Variants in JAZF1 observed in about 807,000 individuals in gnomAD.
JAZF1 encodes the protein juxtaposed with another zinc finger protein 1.
Under a neutral mutation model 26.4 loss-of-function variants are expected in JAZF1, and 8 were observed. The observed-to-expected ratio is 0.30, with a 90% confidence interval of 0.18 to 0.55. The LOEUF (loss-of-function observed/expected upper bound fraction) is 0.55. JAZF1 is among the 20% of genes least tolerant of loss of function. JAZF1 has a pLI of 0.94. For synonymous variants in JAZF1, 126 were observed against 122.3 expected (o/e 1.03, Z -0.20); for missense variants, 199 against 322.0 (o/e 0.62, Z 2.92).
At chr7:27,997,339 A>G (rs1317465620) in intron 1 of JAZF1, among the ~76,000 whole-genome samples, 1 of 152,128 alleles carries the variant, frequency 6.6e-6, no homozygotes, top group Non-Finnish European at 1.5e-5. Context: ...CAGGGCTGAG[A>G]AAATAGGGGA....
intron 1 of JAZF1, among the ~76,000 whole-genome samples, chr7:27,993,290 A>C (rs1785941733): frequency 6.6e-6 from 1 of 152,160 alleles, no homozygotes; most frequent in Non-Finnish European, 1.5e-5. Context: ...GTCGGGTCTG[A>C]AGGTTTTGGC....
chr7:27,998,239 C>T (rs1316707951), intron 1 of JAZF1, among the ~76,000 whole-genome samples: 2 of 152,178 alleles, frequency 1.3e-5, no homozygotes, highest in Admixed American at 1.3e-4. Context: ...ATTAAAAATG[C>T]TGCTTATCCT....
chr7:27,937,298 C>T (rs1212130080), intron 2 of JAZF1, among the ~76,000 whole-genome samples: 1 of 152,192 alleles, frequency 6.6e-6, no homozygotes, highest in African/African-American at 2.4e-5. Flanking sequence ...AAACCTCCCC[C>T]TACCACTTAC....
At chr7:28,035,479 A>C (rs1316204427) in intron 1 of JAZF1, among the ~76,000 whole-genome samples, 1 of 152,132 alleles carries the variant, frequency 6.6e-6, no homozygotes, top group Non-Finnish European at 1.5e-5. Context: ...GTATCATCAA[A>C]AATAAATTTT....
intron 3 of JAZF1, among the ~76,000 whole-genome samples, chr7:27,879,006 C>G (rs1387210100): frequency 6.6e-6 from 1 of 152,168 alleles, no homozygotes; most frequent in African/African-American, 2.4e-5. Flanking sequence ...GGAAGATCAA[C>G]AACATGTTAC....
intron 2 of JAZF1, among the ~76,000 whole-genome samples, chr7:27,915,894 A>G (rs1784437733): frequency 6.6e-6 from 1 of 152,362 alleles, no homozygotes; most frequent in Non-Finnish European, 1.5e-5. Context: ...TCCAGTAAAT[A>G]CTGGGGTTCT....
At chr7:28,138,729 T>A (rs960530792) in intron 1 of JAZF1, among the ~76,000 whole-genome samples, 4 of 152,206 alleles carry the variant, frequency 2.6e-5, no homozygotes, top group Non-Finnish European at 5.9e-5. Context: ...TTGCAAAGAC[T>A]GACAGTCCTG....
intron 2 of JAZF1, among the ~76,000 whole-genome samples, chr7:27,907,542 G>A (rs1409618442): frequency 6.6e-6 from 1 of 152,202 alleles, no homozygotes; most frequent in Non-Finnish European, 1.5e-5. Context: ...CTTCTCTGAT[G>A]TTGCATGGCC....
At chr7:28,120,647 T>G (rs1782587206) in intron 1 of JAZF1, among the ~76,000 whole-genome samples, 1 of 151,144 alleles carries the variant, frequency 6.6e-6, no homozygotes, top group Admixed American at 6.6e-5. Flanking sequence ...AGCTGGGATT[T>G]TCATTTAACT....
intron 1 of JAZF1, among the ~76,000 whole-genome samples, chr7:28,116,977 C>T (rs1784756048): frequency 6.6e-6 from 1 of 152,158 alleles, no homozygotes; most frequent in Non-Finnish European, 1.5e-5. Flanking sequence ...ACATGCACCA[C>T]CACACCCAGC....
intron 1 of JAZF1, among the ~76,000 whole-genome samples, chr7:28,022,424 G>A (rs1783021542): frequency 6.6e-6 from 1 of 152,180 alleles, no homozygotes; most frequent in Non-Finnish European, 1.5e-5. Flanking sequence ...AGACAGTTTA[G>A]GACAACATCT....
intron 1 of JAZF1, among the ~76,000 whole-genome samples, chr7:28,001,852 C>T (rs995106740): frequency 2.0e-5 from 3 of 151,622 alleles, no homozygotes; most frequent in African/African-American, 4.9e-5. Flanking sequence ...ATATAAGATT[C>T]GATGAAAAAG....
At chr7:27,866,103 G>C (rs1387904031) in intron 3 of JAZF1, among the ~76,000 whole-genome samples, 1 of 152,214 alleles carries the variant, frequency 6.6e-6, no homozygotes, top group Non-Finnish European at 1.5e-5. Context: ...CGTCTTCATC[G>C]AGTGAGGGCA....
At chr7:27,871,032 G>T (rs772084742) in intron 3 of JAZF1, among the ~76,000 whole-genome samples, 2 of 152,146 alleles carry the variant, frequency 1.3e-5, no homozygotes, top group Non-Finnish European at 1.5e-5. Flanking sequence ...ATGAATAGAG[G>T]AAGAATACCA....
At chr7:28,107,110 A>C (rs1046035667) in intron 1 of JAZF1, among the ~76,000 whole-genome samples, 1 of 152,236 alleles carries the variant, frequency 6.6e-6, no homozygotes, top group Non-Finnish European at 1.5e-5. Context: ...CATCGAATTA[A>C]TCTGCCACCT....
chr7:28,099,546 G>A (rs1002200719), intron 1 of JAZF1, among the ~76,000 whole-genome samples: 1 of 151,960 alleles, frequency 6.6e-6, no homozygotes, highest in Non-Finnish European at 1.5e-5. Context: ...GAGCGATCTC[G>A]ACTCACCGCA....
intron 2 of JAZF1, among the ~76,000 whole-genome samples, chr7:27,897,918 A>C (rs1784098484): frequency 6.6e-6 from 1 of 152,200 alleles, no homozygotes; most frequent in Non-Finnish European, 1.5e-5. Context: ...ACAACCTAAG[A>C]AGGTGACTTG....
intron 1 of JAZF1, among the ~76,000 whole-genome samples, chr7:28,126,810 C>T (rs1562596318): frequency 6.6e-6 from 1 of 152,062 alleles, no homozygotes; most frequent in Admixed American, 6.5e-5. Flanking sequence ...GGAGTGAAAA[C>T]AAGAAGGGAG....
At chr7:28,002,076 C>A (rs151071710) in intron 1 of JAZF1, among the ~76,000 whole-genome samples, 87 of 152,250 alleles carry the variant, frequency 5.7e-4, no homozygotes, top group African/African-American at 2.1e-3. Context: ...GCTGAAGAAT[C>A]CCATCATAAC....
Sources: gnomAD v4.1 joint callset for allele counts (sites outside exome capture counted in the v4.1 genomes callset) on GRCh38, gnomAD v4.1.1 for gene constraint, MANE v1.5 for transcripts, NCBI Gene and HGNC (gene_info 2026-07-23, HGNC 2026-07-21) for gene names.